The following RHCE variants were observed in gnomAD, a reference collection of about 807,000 sequenced individuals.
The protein encoded by RHCE is Rh blood group CcEe antigens, also known as blood group Rh(CE) polypeptide.
A neutral mutation model predicts 43.8 loss-of-function variants in RHCE; 22 were observed. The observed-to-expected ratio is 0.50, with a 90% CI of 0.36 to 0.72. The LOEUF is 0.72. Ranked by LOEUF, RHCE falls within the 30% of genes least tolerant of loss-of-function variation. RHCE has a pLI of 0.00. For missense variants in RHCE, 385 were observed against 525.4 expected, an observed-to-expected ratio of 0.73 and a Z score of 2.61; for synonymous variants, 156 against 210.7, an observed-to-expected ratio of 0.74 and a Z score of 2.25.
intron 1 of RHCE, among the ~76,000 whole-genome samples, chr1:25,413,124 G>C (rs1296544350): frequency 2.0e-5 from 3 of 151,888 alleles, no homozygotes; most frequent in African/African-American, 7.2e-5. Flanking sequence ...AGGTATATGC[G>C]CTCAGGGCCT....
intron 8 of RHCE, among the ~76,000 whole-genome samples, chr1:25,370,873 C>A (rs989410663): frequency 2.7e-5 from 4 of 150,206 alleles, no homozygotes; most frequent in African/African-American, 9.9e-5. Flanking sequence ...CTCAGCCTCC[C>A]AAGTAGCTAA....
At chr1:25,408,183 A>C (rs1309971753) in intron 2 of RHCE, among the ~76,000 whole-genome samples, 4 of 121,432 alleles carry the variant, frequency 3.3e-5, no homozygotes, top group South Asian at 8.6e-4. Flanking sequence ...GCTACTCAGG[A>C]GGCTGAGGCA....
chr1:25,423,374 A>G (rs2042781326), upstream of RHCE, among the ~76,000 whole-genome samples: 1 of 152,202 alleles, frequency 6.6e-6, no homozygotes, highest in African/African-American at 2.4e-5. Context: ...CAAGATGAAC[A>G]CTAAAGATTT....
chr1:25,391,267 C>T (rs933373622), intron 4 of RHCE, among the ~76,000 whole-genome samples: 1 of 152,142 alleles, frequency 6.6e-6, no homozygotes, highest in Non-Finnish European at 1.5e-5. Flanking sequence ...TCACTGCAAC[C>T]TCCACCACCT....
chr1:25,397,111 CAAAAAAAAA>C lies in RHCE; in HGVS notation c.487-4979_487-4971del, dbSNP rs151106139. 5.2e-5 allele frequency among the ~76,000 whole-genome samples: 3 copies of C among 58,046 alleles called. 1 individual carries two copies. The highest frequency in any genetic ancestry group is 5.0e-4 in the East Asian group (1 of 1,998). 38.1% of individuals were successfully genotyped at this position (58,046 alleles called of 152,430 possible). On this transcript the variant is annotated intron_variant, in intron 3 of 9. Transcript: ENST00000294413. ...TGGGTGATGGAGCAAGACTCTGTCTCAAAAAAAAAAAAAAAAAAAAAAGAAATGTACACT... is the reference window on the plus strand; with the variant it reads ...TGGGTGATGGAGCAAGACTCTGTCTCAAAAAAAAAAAAAGAAATGTACACT...
chr1:25,386,842 A>C lies in RHCE; in HGVS notation c.940-998T>G, dbSNP rs867637400. ...GTCTCAACAACAACAACAACAACAAAACACACACACACACACACACACACA... is the reference window on the plus strand; with the variant it reads ...GTCTCAACAACAACAACAACAACAACACACACACACACACACACACACACA... On this transcript the variant is annotated intron_variant, in intron 6 of 9. Transcript: ENST00000294413. Among the ~76,000 whole-genome samples, 82 of 138,790 alleles carry C rather than the reference A, an allele frequency of 5.9e-4. 1 individual carries two copies. The highest frequency in any genetic ancestry group is 1.1e-4 in the Non-Finnish European group (7 of 64,664). 91.1% of individuals were successfully genotyped at this position (138,790 alleles called of 152,430 possible).
intron 1 of RHCE, among the ~76,000 whole-genome samples, chr1:25,417,212 T>A (rs1328021011): frequency 6.6e-6 from 1 of 152,096 alleles, no homozygotes; most frequent in Non-Finnish European, 1.5e-5. Context: ...TTGTATATCG[T>A]AAGATATTCA....
intron 2 of RHCE, among the ~76,000 whole-genome samples, chr1:25,427,461 G>A (rs2042813000): frequency 6.6e-6 from 1 of 152,352 alleles, no homozygotes; most frequent in East Asian, 1.9e-4. Flanking sequence ...GGGAGCTGGG[G>A]CCTTCTGGCA....
Position 25,420,631 on chromosome 1 carries a change from A to G in RHCE, c.148+8T>C. 6.2e-7 allele frequency: 1 copy of G among 1,613,582 alleles called. No homozygotes were observed. Reference sequence around the variant, plus strand: ...GCTCCTGTGACCACTGTTCCAATGAACTCTCACCTTGATAGGATGCCACGA... The same window carrying G: ...GCTCCTGTGACCACTGTTCCAATGAGCTCTCACCTTGATAGGATGCCACGA... On this transcript the variant is annotated splice_region_variant and intron_variant, in intron 1 of 9. Transcript: ENST00000294413.
intron 7 of RHCE, among the ~76,000 whole-genome samples, chr1:25,379,829 A>T (rs190130499): frequency 2.6e-4 from 40 of 152,032 alleles, no homozygotes; most frequent in Non-Finnish European, 5.3e-4. Flanking sequence ...CACATGCCAC[A>T]ATACCTGGCT....
At chr1:25,429,665 A>G (rs2042834933) in intron 1 of RHCE, among the ~76,000 whole-genome samples, 1 of 152,230 alleles carries the variant, frequency 6.6e-6, no homozygotes, top group Admixed American at 6.5e-5. Context: ...TATTCTATTT[A>G]ATAGCAATAG....
Position 25,372,929 on chromosome 1 carries a change from G to A in RHCE, c.1154-2389C>T, listed in dbSNP as rs187468932. Among the ~76,000 whole-genome samples, 736 of 151,550 alleles carry A rather than the reference G, an allele frequency of 4.9e-3. 19 individuals carry two copies. Among genetic ancestry groups the A allele is most frequent in the African/African-American group, 0.015 (630 of 40,972 alleles). On this transcript the variant is annotated intron_variant, in intron 8 of 9. Coordinates refer to ENST00000294413, the MANE Select transcript of RHCE (RefSeq NM_020485.8). ...AACTGATCCTCCCATCTCAGCCTCCGGAGCAGCTGGGACTACAGGTGTACC... is the reference window on the plus strand; with the variant it reads ...AACTGATCCTCCCATCTCAGCCTCCAGAGCAGCTGGGACTACAGGTGTACC...
At chr1:25,375,761 C>T (rs1248160985) in intron 7 of RHCE, among the ~76,000 whole-genome samples, 1 of 147,032 alleles carries the variant, frequency 6.8e-6, no homozygotes, top group African/African-American at 2.7e-5. Context: ...GTCCTTTAAC[C>T]TCTCAGAGCC....
At chr1:25,389,543 G>T (rs1031211785) in intron 5 of RHCE, among the ~76,000 whole-genome samples, 3 of 152,050 alleles carry the variant, frequency 2.0e-5, no homozygotes, top group Admixed American at 2.0e-4. Context: ...CAAAATATTG[G>T]GATTACAGGT....
At chr1:25,382,491 A>G (rs566023400) in intron 7 of RHCE, among the ~76,000 whole-genome samples, 35 of 148,756 alleles carry the variant, frequency 2.4e-4, no homozygotes, top group Admixed American at 7.9e-4. Flanking sequence ...TAGAGGATAA[A>G]CCCAAACCTG....
In RHCE at chr1:25,420,187, G is replaced by A. The variant is rs530011830; in HGVS notation, c.148+452C>T. Among the ~76,000 whole-genome samples the A allele has an allele frequency of 2.0e-5, 3 of 152,000 alleles. No homozygotes were observed. In the East Asian group the frequency reaches 5.8e-4, roughly 29 times the overall value. On this transcript the variant is annotated intron_variant, in intron 1 of 9. Transcript: ENST00000294413. The stretch of plus-strand genomic sequence containing the variant: ...ACAGAGTGAGACCCTGTCTCAAAAA[G>A]AAATAAGAAATGAGCGAGAGGCCAC...
chr1:25,387,139 T>C (rs1000331096), intron 6 of RHCE, among the ~76,000 whole-genome samples: 8 of 152,224 alleles, frequency 5.3e-5, no homozygotes, highest in Non-Finnish European at 7.3e-5. Flanking sequence ...TGCTCCTGGG[T>C]GGACCCTATG....
chr1:25,420,095 T>C (rs1414499188), intron 1 of RHCE, among the ~76,000 whole-genome samples: 2 of 151,050 alleles, frequency 1.3e-5, no homozygotes, highest in African/African-American at 4.9e-5. Flanking sequence ...GGTGGGAAGA[T>C]TGCTTGAGAC....
intron 7 of RHCE, among the ~76,000 whole-genome samples, chr1:25,379,496 T>TATATATATATATATA (rs1156796590): frequency 2.0e-4 from 4 of 19,844 alleles, no homozygotes; most frequent in African/African-American, 8.4e-4. Flanking sequence ...TATATATATA[T>TATATATATATATATA]TTTTTTTTTT....
Sources: gnomAD v4.1 joint callset for allele counts (sites outside exome capture counted in the v4.1 genomes callset) on GRCh38, gnomAD v4.1.1 for gene constraint, MANE v1.5 for transcripts, NCBI Gene and HGNC (gene_info 2026-07-23, HGNC 2026-07-21) for gene names.